ALCAM: variants seen among roughly 807,000 people sequenced by gnomAD.
ALCAM encodes CD166 antigen.
Under a neutral mutation model 70.9 loss-of-function variants are expected in ALCAM, and 30 were observed. The ratio of observed to expected loss-of-function variants is 0.42; its 90% CI spans 0.32 to 0.57. The LOEUF (loss-of-function observed/expected upper bound fraction) is 0.57, where lower values mean the gene tolerates loss of function less well. Ranked by LOEUF, ALCAM falls within the 20% of genes least tolerant of loss-of-function variation. The pLI is 0.11. For synonymous variants in ALCAM, 249 were observed against 242.5 expected (o/e 1.03, Z -0.25); for missense variants, 591 against 695.1 (o/e 0.85, Z 1.68).
chr3:105,561,470 T>C (rs1940630421), intron 14 of ALCAM, among the ~76,000 whole-genome samples: 1 of 152,086 alleles, frequency 6.6e-6, no homozygotes, highest in South Asian at 2.1e-4. Flanking sequence ...AGAGGGGAAA[T>C]TGCTCAATAG....
At chr3:105,379,921 C>G (rs1291738514) in intron 1 of ALCAM, among the ~76,000 whole-genome samples, 3 of 151,768 alleles carry the variant, frequency 2.0e-5, no homozygotes, top group Non-Finnish European at 4.4e-5. Flanking sequence ...TGCATAATAA[C>G]TCACTAGACA....
intron 1 of ALCAM, among the ~76,000 whole-genome samples, chr3:105,495,644 CACGGTGGAA>C: frequency 6.6e-6 from 1 of 152,248 alleles, no homozygotes; most frequent in African/African-American, 2.4e-5. Flanking sequence ...GTATGCAAAG[CACGGTGGAA>C]TAATACATTT....
At chr3:105,545,432 A>T in intron 9 of ALCAM, 97 bp downstream of exon 9, 1 of 761,810 alleles carries the variant, frequency 1.3e-6, no homozygotes, top group Non-Finnish European at 2.3e-6. Context: ...ATATTCATGG[A>T]TGTGTTTATA....
intron 1 of ALCAM, among the ~76,000 whole-genome samples, chr3:105,488,159 A>T (rs1320623053): frequency 2.0e-5 from 3 of 152,138 alleles, no homozygotes; most frequent in African/African-American, 4.8e-5. Flanking sequence ...ATCTCTGCAC[A>T]CACTGGCTCC....
intron 13 of ALCAM, 101 bp from the exon 14 acceptor site, chr3:105,552,367 G>A: frequency 9.6e-6 from 13 of 1,355,360 alleles, no homozygotes; most frequent in Non-Finnish European, 1.4e-5. Flanking sequence ...AATTACTGTA[G>A]TGAGCTTTAG....
chr3:105,383,342 T>C (rs1056277989), intron 1 of ALCAM, among the ~76,000 whole-genome samples: 3 of 151,820 alleles, frequency 2.0e-5, no homozygotes, highest in African/African-American at 7.2e-5. Context: ...ATGGTACATT[T>C]TCGGTACACA....
chr3:105,565,786 G>A (rs972791561), intron 14 of ALCAM, among the ~76,000 whole-genome samples: 1 of 152,158 alleles, frequency 6.6e-6, no homozygotes, highest in Non-Finnish European at 1.5e-5. Context: ...TATGATGGAT[G>A]TATCCAAATT....
At chr3:105,485,675 ATACT>A (rs762522046) in intron 1 of ALCAM, among the ~76,000 whole-genome samples, 13 of 152,190 alleles carry the variant, frequency 8.5e-5, no homozygotes, top group Admixed American at 2.6e-4. Context: ...ATATATTTAC[ATACT>A]TCGGTTTTAG....
chr3:105,537,385 C>T (rs1939996974), intron 6 of ALCAM, among the ~76,000 whole-genome samples: 2 of 152,230 alleles, frequency 1.3e-5, no homozygotes, highest in South Asian at 4.1e-4. Flanking sequence ...AAACTGCTGC[C>T]AGAAATATTT....
intron 1 of ALCAM, among the ~76,000 whole-genome samples, chr3:105,467,021 G>C (rs1937757348): frequency 6.6e-6 from 1 of 151,300 alleles, no homozygotes; most frequent in Non-Finnish European, 1.5e-5. Context: ...GTGTAGAATG[G>C]AGTTTAATTC....
intron 6 of ALCAM, among the ~76,000 whole-genome samples, chr3:105,538,944 A>G (rs1393707545): frequency 2.6e-5 from 4 of 152,168 alleles, no homozygotes; most frequent in Non-Finnish European, 5.9e-5. Flanking sequence ...CACTTTATCT[A>G]TAGAAAGGTA....
intron 1 of ALCAM, among the ~76,000 whole-genome samples, chr3:105,495,686 C>T (rs1938717436): frequency 1.3e-5 from 2 of 152,202 alleles, no homozygotes; most frequent in Admixed American, 1.3e-4. Flanking sequence ...ACTCAGAATC[C>T]GTTTATGTCT....
At chr3:105,422,325 A>G (rs1936689394) in intron 1 of ALCAM, among the ~76,000 whole-genome samples, 1 of 151,484 alleles carries the variant, frequency 6.6e-6, no homozygotes, top group East Asian at 1.9e-4. Context: ...TCTTTTTCAT[A>G]TAATGACTGG....
At chr3:105,532,780 G>A (rs1705938244) in intron 4 of ALCAM, among the ~76,000 whole-genome samples, 1 of 152,112 alleles carries the variant, frequency 6.6e-6, no homozygotes, top group South Asian at 2.1e-4. Flanking sequence ...AACAAGAAAG[G>A]ATAGAAAGAG....
chr3:105,407,191 C>G (rs543027847), intron 1 of ALCAM, among the ~76,000 whole-genome samples: 20 of 152,122 alleles, frequency 1.3e-4, no homozygotes, highest in African/African-American at 3.6e-4. Flanking sequence ...GGAATCCTCC[C>G]TAAATCCTTC....
intron 1 of ALCAM, among the ~76,000 whole-genome samples, chr3:105,368,460 A>AT (rs201438699): frequency 0.012 from 1,772 of 149,834 alleles, 26 homozygotes; most frequent in African/African-American, 0.026. Context: ...AATTTAGGGG[A>AT]TTTTTTTTTC....
At chr3:105,501,656 T>C (rs954723700) in intron 1 of ALCAM, among the ~76,000 whole-genome samples, 2 of 152,178 alleles carry the variant, frequency 1.3e-5, no homozygotes, top group Non-Finnish European at 2.9e-5. Context: ...TGTAGTTTAT[T>C]TTTCTTATCC....
chr3:105,429,250 G>A (rs994046517), intron 1 of ALCAM, among the ~76,000 whole-genome samples: 8 of 151,896 alleles, frequency 5.3e-5, no homozygotes, highest in Non-Finnish European at 1.0e-4. Context: ...AAATACACTG[G>A]AGTTCACTGT....
At chr3:105,487,877 C>T (rs1161124434) in intron 1 of ALCAM, among the ~76,000 whole-genome samples, 1 of 152,100 alleles carries the variant, frequency 6.6e-6, no homozygotes, top group Non-Finnish European at 1.5e-5. Context: ...GACCAAGGGG[C>T]TTGCATGAGA....
Sources: allele counts gnomAD v4.1 joint callset (sites outside exome capture counted in the v4.1 genomes callset), GRCh38; gene constraint gnomAD v4.1.1; transcripts MANE v1.5; gene names NCBI Gene and HGNC (gene_info 2026-07-23, HGNC 2026-07-21).